Variants in ARHGEF4 observed in about 807,000 individuals in gnomAD.
The protein encoded by ARHGEF4 is APC-stimulated guanine nucleotide exchange factor 1.
A neutral mutation model predicts 162.0 loss-of-function variants in ARHGEF4; 119 were observed. The ratio of observed to expected loss-of-function variants is 0.73; its 90% CI spans 0.63 to 0.86. The LOEUF (loss-of-function observed/expected upper bound fraction) is 0.86. ARHGEF4 is among the 40% of genes least tolerant of loss of function. ARHGEF4 has a pLI of 0.00. For missense variants in ARHGEF4, 2,488 were observed against 2,456.0 expected (o/e 1.01, Z -0.28); for synonymous variants, 1,014 against 979.9 (o/e 1.03, Z -0.65).
At chr2:130,899,405 G>A (rs1271952505) in intron 1 of ARHGEF4, among the ~76,000 whole-genome samples, 4 of 152,182 alleles carry the variant, frequency 2.6e-5, no homozygotes, top group African/African-American at 4.8e-5. Flanking sequence ...GGCCTCCCTC[G>A]CTGAAGCCAG....
At position 130,915,505 on chromosome 2, in the gene ARHGEF4, C is replaced by T; in HGVS notation, c.1559C>T (p.Thr520Ile). ...CTCAGCGAGGAAAGCAAGTCACCTACCAGGGCCAAGTTCCCACGGCAGCCT... is the reference window on the plus strand; with the variant it reads ...CTCAGCGAGGAAAGCAAGTCACCTATCAGGGCCAAGTTCCCACGGCAGCCT... ...YVLSEESKSP[T>I]RAKFPRQPSS... Residue 520 changes from threonine (T) to isoleucine (I), a missense_variant, in exon 2 of 14, where the codon ACC (threonine) becomes ATC (isoleucine). By Grantham distance (89) the Thr-to-Ile change is moderately conservative. Around this residue, in one of 6 missense-constraint regions of ARHGEF4, gnomAD observed 1,642 missense variants for 1,481.5 expected, o/e 1.11. Transcript: ENST00000409359. The T allele has an allele frequency of 6.4e-7, 1 of 1,550,572 alleles. No homozygotes were observed. The highest frequency in any genetic ancestry group is 8.7e-7 in the Non-Finnish European group (1 of 1,146,984).
chr2:130,964,322 C>G (rs1052064799), intron 4 of ARHGEF4: 1 of 908,762 alleles, frequency 1.1e-6, no homozygotes, highest in Non-Finnish European at 1.3e-6. Context: ...CCCCCCGCCC[C>G]CCTCCTGCCT....
chr2:130,903,706 GT>G (rs908202255), intron 1 of ARHGEF4, among the ~76,000 whole-genome samples: 40 of 152,128 alleles, frequency 2.6e-4, no homozygotes, highest in Admixed American at 4.6e-4. Flanking sequence ...TCCCCCAAAT[GT>G]TTATTATTCT....
chr2:130,915,936 C>T lies in ARHGEF4; in HGVS notation c.1990C>T (p.Pro664Ser). ...TLPRDFPKER[P>S]ESPLSTGETP... ...GCCCCGTGACTTTCCTAAGGAAAGA[C>T]CAGAATCTCCCTTGAGCACTGGCGA... The change falls in exon 2 of 14, where the codon CCA (proline) becomes TCA (serine). Residue 664 changes from proline to serine, a missense_variant. Pro to Ser is a moderately conservative substitution (Grantham distance 74). Around this residue, in one of 6 missense-constraint regions of ARHGEF4, gnomAD observed 1,642 missense variants for 1,481.5 expected, o/e 1.11. Transcript: ENST00000409359. The T allele has an allele frequency of 6.4e-7, 1 of 1,550,594 alleles. No homozygotes were observed. The highest frequency in any genetic ancestry group is 1.4e-5 in the African/African-American group (1 of 73,180).
At position 130,864,209 on chromosome 2, in the gene ARHGEF4, A is replaced by G. The variant is rs1014963256; in HGVS notation, c.39+27217A>G. Among the ~76,000 whole-genome samples the G allele has an allele frequency of 5.3e-4, 80 of 150,634 alleles. 2 individuals carry two copies. The highest frequency in any genetic ancestry group is 1.9e-3 in the African/African-American group (76 of 40,022). On this transcript the variant is annotated intron_variant, in intron 1 of 13. Coordinates refer to ENST00000409359, the MANE Select transcript of ARHGEF4 (RefSeq NM_001367493.1). ...AGAAAGAAAGAAAGAAAGAAAAAAA[A>G]AAAAAGGAGTGAGTTACTGACACAT...
chr2:130,989,990 C>T (rs764335502), intron 4 of ARHGEF4, among the ~76,000 whole-genome samples: 22 of 152,224 alleles, frequency 1.4e-4, no homozygotes, highest in Non-Finnish European at 2.9e-4. Flanking sequence ...AGGACCATCA[C>T]TGATGGTTAT....
chr2:130,976,345 G>GTC (rs1553434500), intron 4 of ARHGEF4, among the ~76,000 whole-genome samples: 4 of 62,846 alleles, frequency 6.4e-5, no homozygotes, highest in South Asian at 1.5e-3. Flanking sequence ...GTGTGTGTGT[G>GTC]TGTCTGTGTG....
intron 1 of ARHGEF4, among the ~76,000 whole-genome samples, chr2:130,911,787 C>T (rs1473589928): frequency 6.6e-6 from 1 of 152,218 alleles, no homozygotes; most frequent in East Asian, 1.9e-4. Flanking sequence ...CAGCAAGACG[C>T]CAGCCCCTGC....
chr2:131,003,645 T>G (rs904002427), intron 4 of ARHGEF4, among the ~76,000 whole-genome samples: 1 of 152,224 alleles, frequency 6.6e-6, no homozygotes, highest in Non-Finnish European at 1.5e-5. Flanking sequence ...TGAGTGACAC[T>G]CCTGTTAAGA....
intron 5 of ARHGEF4, among the ~76,000 whole-genome samples, chr2:131,029,150 C>A (rs985496345): frequency 3.3e-5 from 5 of 152,126 alleles, no homozygotes; most frequent in Admixed American, 2.6e-4. Context: ...CACCTGAGAT[C>A]AGGAGTTCAA....
intron 4 of ARHGEF4, among the ~76,000 whole-genome samples, chr2:130,989,649 T>C (rs1686807285): frequency 6.6e-6 from 1 of 152,256 alleles, no homozygotes; most frequent in African/African-American, 2.4e-5. Context: ...TCCTTCCAGA[T>C]TTTTGTTTTC....
intron 1 of ARHGEF4, among the ~76,000 whole-genome samples, chr2:130,844,349 C>CA (rs1159916867): frequency 1.3e-5 from 2 of 152,202 alleles, no homozygotes; most frequent in Non-Finnish European, 2.9e-5. Context: ...CTCCGGCCCT[C>CA]ACGTTGCCCT....
At chr2:130,879,805 G>A (rs931522837) in intron 1 of ARHGEF4, among the ~76,000 whole-genome samples, 11 of 151,898 alleles carry the variant, frequency 7.2e-5, no homozygotes, top group African/African-American at 2.7e-4. Flanking sequence ...TTAAGACAAG[G>A]TCTCGCTCTG....
intron 4 of ARHGEF4, among the ~76,000 whole-genome samples, chr2:130,980,797 T>C (rs1369154207): frequency 6.6e-6 from 1 of 152,240 alleles, no homozygotes; most frequent in Non-Finnish European, 1.5e-5. Context: ...AAATTACTAA[T>C]TAATCCAAGT....
Position 131,046,281 on chromosome 2 carries a change from G to A in ARHGEF4, c.*92G>A. On this transcript the variant is annotated 3_prime_UTR_variant, in exon 14 of 14. Coordinates refer to ENST00000409359, the MANE Select transcript of ARHGEF4 (RefSeq NM_001367493.1). ...GGCCCACTCGGCCTGGCCTTCCTCTGCCTGCAAGTGAGCAGGGATGGGCTG... is the reference window on the plus strand; with the variant it reads ...GGCCCACTCGGCCTGGCCTTCCTCTACCTGCAAGTGAGCAGGGATGGGCTG... 2 of 1,327,848 alleles carry A rather than the reference G, an allele frequency of 1.5e-6. No individual in the cohort carries two copies. The highest frequency in any genetic ancestry group is 1.4e-5 in the South Asian group (1 of 72,544). 82.3% of individuals were successfully genotyped at this position (1,327,848 alleles called of 1,614,324 possible). A position where few individuals can be genotyped will look rare whatever the true frequency, so the allele number is the denominator to read the frequency against.
At chr2:130,976,333 GTGTGTGTGTGTGTGTC>G (rs939067135) in intron 4 of ARHGEF4, among the ~76,000 whole-genome samples, 12 of 77,166 alleles carry the variant, frequency 1.6e-4, no homozygotes, top group Non-Finnish European at 3.8e-4. Context: ...CCCCAGAATC[GTGTGTGTGTGTGTGTC>G]TGTGTGTGTG....
chr2:130,974,815 C>A (rs1466513778), intron 4 of ARHGEF4, among the ~76,000 whole-genome samples: 4 of 152,044 alleles, frequency 2.6e-5, no homozygotes, highest in Admixed American at 1.3e-4. Flanking sequence ...GCATGACAAA[C>A]TTAACATAAA....
At chr2:131,044,613 C>A in intron 12 of ARHGEF4, 71 bp downstream of exon 12, 1 of 1,511,174 alleles carries the variant, frequency 6.6e-7, no homozygotes, top group Non-Finnish European at 8.9e-7. Context: ...TGGCCGCCTG[C>A]CGGTCAGGAG....
chr2:131,040,213 GGTGACT>G (rs764422688), intron 7 of ARHGEF4, 21 bp downstream of exon 7: 1 of 1,608,662 alleles, frequency 6.2e-7, no homozygotes, highest in East Asian at 2.2e-5. Context: ...GCCGGCGGGC[GGTGACT>G]GGGGACCCGG....
Sources: gnomAD v4.1 joint callset for allele counts (sites outside exome capture counted in the v4.1 genomes callset) on GRCh38, gnomAD v4.1.1 for gene constraint, gnomAD v4.1.1 regional missense constraint, MANE v1.5 for transcripts, NCBI Gene and HGNC (gene_info 2026-07-23, HGNC 2026-07-21) for gene names.